NBPF8: variants seen among roughly 807,000 people sequenced by gnomAD.
The protein encoded by NBPF8 is NBPF family member NBPF8.
chr1:120,433,656 T>A (rs1660974057), upstream of NBPF8: 1 of 194,536 alleles, frequency 5.1e-6, no homozygotes, highest in African/African-American at 2.4e-5. Context: ...AGGAGGTCAG[T>A]ACTGGGAACG....
chr1:120,469,248 G>A (rs1661844199), downstream of NBPF8, among the ~76,000 whole-genome samples: 1 of 139,170 alleles, frequency 7.2e-6, no homozygotes, highest in Middle Eastern at 3.6e-3. Context: ...AGATTATGGA[G>A]GCTGAAATTC....
chr1:120,450,341 A>T (rs1661230940), intron 11 of NBPF8, among the ~76,000 whole-genome samples: 1 of 152,076 alleles, frequency 6.6e-6, no homozygotes, highest in South Asian at 2.1e-4. Flanking sequence ...AGGAAGAAAG[A>T]TCCCACCCGA....
chr1:120,426,182 GC>G (rs1157329184), intron 2 of NBPF8, among the ~76,000 whole-genome samples: 1 of 149,662 alleles, frequency 6.7e-6, no homozygotes, highest in Non-Finnish European at 1.5e-5. Context: ...GGGACTGAGG[GC>G]CCTTTTTCTG....
At chr1:120,462,349 T>C (rs1423356712) in intron 20 of NBPF8, among the ~76,000 whole-genome samples, 152 bp downstream of exon 18, 1 of 149,826 alleles carries the variant, frequency 6.7e-6, no homozygotes, top group African/African-American at 2.5e-5. Context: ...CAGAAGATGT[T>C]TAGGTTTCCA....
At chr1:120,450,242 A>C (rs1470747660) in intron 11 of NBPF8, among the ~76,000 whole-genome samples, 1 of 151,914 alleles carries the variant, frequency 6.6e-6, no homozygotes, top group Non-Finnish European at 1.5e-5. Context: ...AATAATAATA[A>C]TGATAAATAA....
chr1:120,417,942 G>A (rs1277780396), upstream of NBPF8, among the ~76,000 whole-genome samples: 2 of 48,118 alleles, frequency 4.2e-5, no homozygotes, highest in Admixed American at 2.2e-4. Flanking sequence ...GCTTGATCCA[G>A]CACCATTTAT....
chr1:120,421,604 C>G (rs1323224591), intron 1 of NBPF8, among the ~76,000 whole-genome samples: 3 of 148,268 alleles, frequency 2.0e-5, no homozygotes, highest in Non-Finnish European at 4.5e-5. Flanking sequence ...CTCATGCTCT[C>G]TCTTTTTCTT....
At chr1:120,420,479 C>T (rs1339599619) in intron 1 of NBPF8, among the ~76,000 whole-genome samples, 2 of 150,120 alleles carry the variant, frequency 1.3e-5, no homozygotes, top group Non-Finnish European at 1.5e-5. Flanking sequence ...CTTTCACCTG[C>T]TTTCTTCTCT....
At position 120,423,396 on chromosome 1, in the gene NBPF8, T is replaced by C. The variant is rs1378006804; in HGVS notation, n.270-2351T>C. ...AGGCTATCTTTGCTGCTTTAAATTG[T>C]CTCTAAACCTCCATGGAAGATCAGT... is the stretch of plus-strand genomic sequence containing the variant. On this transcript the variant is annotated intron_variant and non_coding_transcript_variant, in intron 1 of 28. Coordinates refer to the NBPF8 transcript ENST00000652355. Among the ~76,000 whole-genome samples, 5 of 107,982 alleles carry C rather than the reference T, an allele frequency of 4.6e-5. 2 individuals are homozygous for C. The highest frequency in any genetic ancestry group is 2.5e-4 in the African/African-American group (5 of 19,674). 70.8% of individuals were successfully genotyped at this position (107,982 alleles called of 152,430 possible). A position where few individuals can be genotyped will look rare whatever the true frequency, so the allele number is the denominator to read the frequency against.
At chr1:120,452,044 G>T in intron 12 of NBPF8, 73 bp from the exon 11 acceptor site, 2 of 1,425,000 alleles carry the variant, frequency 1.4e-6, no homozygotes, top group Non-Finnish European at 2.0e-6. Context: ...TGTCTCAGAA[G>T]TCTCTGTTGC....
At chr1:120,460,975 C>A (rs1445074808) in intron 18 of NBPF8, among the ~76,000 whole-genome samples, 1 of 151,344 alleles carries the variant, frequency 6.6e-6, no homozygotes, top group African/African-American at 2.4e-5. Context: ...TCCTTTGACT[C>A]CCTCATCAGT....
At chr1:120,431,279 GTGTA>G (rs1286614795) in intron 3 of NBPF8, among the ~76,000 whole-genome samples, 3 of 115,884 alleles carry the variant, frequency 2.6e-5, no homozygotes, top group African/African-American at 1.4e-4. Context: ...GTGTGTGTGT[GTGTA>G]TATTCACCGT....
intron 11 of NBPF8, among the ~76,000 whole-genome samples, chr1:120,450,737 C>T (rs1332720457): frequency 2.1e-4 from 32 of 152,192 alleles, no homozygotes; most frequent in South Asian, 1.2e-3. Flanking sequence ...AAAAATCTTT[C>T]GCATACTTGT....
chr1:120,421,979 G>A (rs1372396768), intron 1 of NBPF8, among the ~76,000 whole-genome samples: 1 of 151,926 alleles, frequency 6.6e-6, no homozygotes, highest in Non-Finnish European at 1.5e-5. Flanking sequence ...CTGACTCCAG[G>A]TTGGTGCACT....
At chr1:120,434,404 G>A (rs28464358), upstream of NBPF8, among the ~76,000 whole-genome samples, 2 of 142,748 alleles carry the variant, frequency 1.4e-5, no homozygotes, top group South Asian at 2.2e-4. Context: ...ATATATACAC[G>A]TGTATATATA....
intron 17 of NBPF8, among the ~76,000 whole-genome samples, chr1:120,459,780 G>T (rs1357161144): frequency 9.2e-5 from 14 of 152,324 alleles, no homozygotes; most frequent in Admixed American, 7.8e-4. Flanking sequence ...TCACGATATT[G>T]AACTCAAGGC....
chr1:120,434,325 ATATT>A (rs1661005461), upstream of NBPF8, among the ~76,000 whole-genome samples: 20 of 147,658 alleles, frequency 1.4e-4, no homozygotes, highest in South Asian at 4.2e-4. Flanking sequence ...ACACGTATAT[ATATT>A]ATATATATTC....
At chr1:120,419,043 C>T (rs1394121110), upstream of NBPF8, among the ~76,000 whole-genome samples, 3 of 151,446 alleles carry the variant, frequency 2.0e-5, no homozygotes, top group Non-Finnish European at 4.4e-5. Flanking sequence ...AGTACTTGAC[C>T]TTGCCTGGCA....
chr1:120,436,271 T>A (rs1481181837), upstream of NBPF8: 1 of 825,110 alleles, frequency 1.2e-6, no homozygotes, highest in East Asian at 2.6e-5. Flanking sequence ...ACCTCACTCT[T>A]ATCAGAGTCT....
Sources: allele counts gnomAD v4.1 joint callset (sites outside exome capture counted in the v4.1 genomes callset), GRCh38; gene constraint gnomAD v4.1.1; transcripts MANE v1.5; gene names NCBI Gene and HGNC (gene_info 2026-07-23, HGNC 2026-07-21).